Variants in DGKI observed in about 807,000 individuals in gnomAD.
DGKI encodes the protein diacylglycerol kinase iota.
Under a neutral mutation model 147.5 loss-of-function variants are expected in DGKI, and 55 were observed. That is an observed-to-expected ratio of 0.37 (90% confidence interval 0.30 to 0.47). DGKI has a LOEUF of 0.47. DGKI is among the 20% of genes least tolerant of loss of function. The probability of loss-of-function intolerance (pLI) is 1.00; values close to 1 mark genes in which losing one functional copy is unlikely to be tolerated. For synonymous variants in DGKI, 469 were observed against 477.1 expected, an observed-to-expected ratio of 0.98 and a Z score of 0.22; for missense variants, 1,007 against 1,323.8, an observed-to-expected ratio of 0.76 and a Z score of 3.71.
chr7:137,413,619 CT>C lies in DGKI; in HGVS notation c.2762-1413del, dbSNP rs565512886. On this transcript the variant is annotated intron_variant, in intron 28 of 32. Transcript: ENST00000614521. Reference sequence around the variant, plus strand: ...TTGTTACAAAGGACATGATTTCATTCTTTTTTATGACTGTGTAGTATTCCAT... The same window carrying C: ...TTGTTACAAAGGACATGATTTCATTCTTTTTATGACTGTGTAGTATTCCAT... 6.6e-5 allele frequency among the ~76,000 whole-genome samples: 10 copies of C among 152,270 alleles called. No individual in the cohort carries two copies. In the South Asian group the frequency reaches 1.9e-3, roughly 28 times the overall value.
intron 23 of DGKI, among the ~76,000 whole-genome samples, chr7:137,481,600 A>G (rs1815374232): frequency 2.0e-5 from 3 of 152,142 alleles, no homozygotes. Flanking sequence ...TGTATAACCC[A>G]TAATACCTTG....
intron 32 of DGKI, among the ~76,000 whole-genome samples, chr7:137,392,095 C>A (rs992757397): frequency 3.3e-5 from 5 of 152,178 alleles, no homozygotes; most frequent in African/African-American, 1.2e-4. Context: ...CATTTACATA[C>A]TGTTTTACAA....
intron 1 of DGKI, among the ~76,000 whole-genome samples, chr7:137,780,502 G>C (rs141514703): frequency 6.6e-6 from 1 of 152,278 alleles, no homozygotes; most frequent in East Asian, 1.9e-4. Flanking sequence ...CCTGGAAAAG[G>C]AAGGGTGTCT....
At position 137,751,835 on chromosome 7, in the gene DGKI, T is replaced by C. The variant is rs200136940; in HGVS notation, c.402-61833A>G. ...AACTTTATTTACAAAAATTGACCTG[T>C]ACGCTGTCATTTTCTAACCCTTGCA... On this transcript the variant is annotated intron_variant, in intron 1 of 32. Coordinates refer to ENST00000614521, the MANE Select transcript of DGKI (RefSeq NM_001321708.2). 3.3e-5 allele frequency among the ~76,000 whole-genome samples: 5 copies of C among 152,316 alleles called. No individual in the cohort carries two copies. The East Asian group carries it at 9.6e-4, about 29-fold the overall frequency.
intron 27 of DGKI, among the ~76,000 whole-genome samples, chr7:137,446,983 C>T (rs1398446621): frequency 1.3e-5 from 2 of 152,224 alleles, no homozygotes; most frequent in African/African-American, 4.8e-5. Context: ...TTGGAGCAAG[C>T]ATCTGCCCTT....
In DGKI at chr7:137,669,963, G is replaced by T. The variant is rs533267327; in HGVS notation, c.606+8594C>A. ...TCCTAAGATCCTACAAAATGGCAAT[G>T]GGTGTTCTGTGGGGAAATTATGGGT... On this transcript the variant is annotated intron_variant, in intron 3 of 32. Transcript: ENST00000614521. Among the ~76,000 whole-genome samples, 6 of 152,182 alleles carry T rather than the reference G, an allele frequency of 3.9e-5. No homozygotes were observed. In the South Asian group the frequency reaches 1.2e-3, roughly 32 times the overall value.
rs1489260286 is a variant in DGKI at position 137,381,682 on chromosome 7, T to C, written c.*9538A>G. Reference sequence around the variant, plus strand: ...TTTCCTCAGTTTCAGTCAGTGGTGGTCTGTATAATATTCAGATTCATGGTT... The same window carrying C: ...TTTCCTCAGTTTCAGTCAGTGGTGGCCTGTATAATATTCAGATTCATGGTT... On this transcript the variant is annotated 3_prime_UTR_variant, in exon 33 of 33. Transcript: ENST00000614521. 6.6e-6 allele frequency: 1 copy of C among 152,076 alleles called. No homozygotes were observed. The highest frequency in any genetic ancestry group is 2.4e-5 in the African/African-American group (1 of 41,404). The allele number at this position is 152,076 out of a possible 1,614,324, so 9.4% of individuals were successfully genotyped here. A position where few individuals can be genotyped will look rare whatever the true frequency, so the allele number is the denominator to read the frequency against.
intron 21 of DGKI, among the ~76,000 whole-genome samples, chr7:137,501,407 A>G (rs1816166330): frequency 6.6e-6 from 1 of 152,146 alleles, no homozygotes. Flanking sequence ...CTCCTGGATC[A>G]TATGGTTAAT....
rs548263567 is a variant in DGKI at position 137,382,873 on chromosome 7, A to T, written c.*8347T>A. 1 of 152,000 alleles carries T rather than the reference A, an allele frequency of 6.6e-6. No individual in the cohort carries two copies. Among genetic ancestry groups the T allele is most frequent in the African/African-American group, 2.4e-5 (1 of 41,434 alleles). 9.4% of individuals were successfully genotyped at this position (152,000 alleles called of 1,614,324 possible). A position where few individuals can be genotyped will look rare whatever the true frequency, so the allele number is the denominator to read the frequency against. ...TTCCTCCCTCACCCAGTCAACCTGAAATCTAGGAACTCAAGCTGTATTACA... is the reference window on the plus strand; with the variant it reads ...TTCCTCCCTCACCCAGTCAACCTGATATCTAGGAACTCAAGCTGTATTACA... On this transcript the variant is annotated 3_prime_UTR_variant, in exon 33 of 33. Transcript: ENST00000614521.
intron 16 of DGKI, among the ~76,000 whole-genome samples, chr7:137,577,881 C>T (rs1049994977): frequency 2.0e-5 from 3 of 152,182 alleles, no homozygotes; most frequent in South Asian, 2.1e-4. Context: ...CTAATCCAAA[C>T]GTCAATGTGC....
chr7:137,763,084 A>G lies in DGKI; in HGVS notation c.402-73082T>C, dbSNP rs76303403. On this transcript the variant is annotated intron_variant, in intron 1 of 32. Transcript: ENST00000614521. ...AAAGTTTCAAATCAGGGGCCAAGGT[A>G]CAGAGTCCACATGAGAATTCTCTCT... Among the ~76,000 whole-genome samples, 53 of 152,332 alleles carry G rather than the reference A, an allele frequency of 3.5e-4. 2 individuals are homozygous for G. In the East Asian group the frequency reaches 9.5e-3, roughly 27 times the overall value.
chr7:137,831,697 T>C (rs1475039963), intron 1 of DGKI, among the ~76,000 whole-genome samples: 1 of 152,156 alleles, frequency 6.6e-6, no homozygotes, highest in East Asian at 1.9e-4. Flanking sequence ...AAATCTCATG[T>C]CCTCACATTT....
intron 3 of DGKI, among the ~76,000 whole-genome samples, chr7:137,674,010 CAG>C (rs1822942893): frequency 1.3e-5 from 2 of 152,300 alleles, no homozygotes; most frequent in Non-Finnish European, 2.9e-5. Context: ...CACCAAACGA[CAG>C]TGATTCTGGC....
At chr7:137,535,983 A>G (rs1000263258) in intron 20 of DGKI, among the ~76,000 whole-genome samples, 32 of 152,308 alleles carry the variant, frequency 2.1e-4, no homozygotes, top group Admixed American at 2.0e-4. Context: ...AAATTTTATT[A>G]TAACAACACT....
chr7:137,417,300 A>G (rs997619805), intron 28 of DGKI, among the ~76,000 whole-genome samples: 21 of 152,374 alleles, frequency 1.4e-4, no homozygotes, highest in Non-Finnish European at 2.5e-4. Flanking sequence ...TCACAAACTT[A>G]TGAAGACAGG....
intron 1 of DGKI, among the ~76,000 whole-genome samples, chr7:137,844,948 C>T (rs1798665811): frequency 6.6e-6 from 1 of 152,202 alleles, no homozygotes; most frequent in African/African-American, 2.4e-5. Flanking sequence ...CCCTGTTCCC[C>T]CAGGGGCCAG....
chr7:137,515,983 GC>G (rs924554903), intron 21 of DGKI, among the ~76,000 whole-genome samples: 9 of 152,054 alleles, frequency 5.9e-5, no homozygotes, highest in Middle Eastern at 3.2e-3. Context: ...GAAGGACAAT[GC>G]CCTTCAGAGG....
At chr7:137,468,761 A>T (rs1269223619) in intron 24 of DGKI, among the ~76,000 whole-genome samples, 1 of 152,158 alleles carries the variant, frequency 6.6e-6, no homozygotes, top group Non-Finnish European at 1.5e-5. Context: ...TGCCATCCCA[A>T]TGCTTGCTCA....
chr7:137,727,113 T>G (rs1216764083), intron 1 of DGKI, among the ~76,000 whole-genome samples: 1 of 152,116 alleles, frequency 6.6e-6, no homozygotes, highest in East Asian at 1.9e-4. Flanking sequence ...CTTCCTAATG[T>G]TATTTCCATG....
Sources: allele counts gnomAD v4.1 joint callset (sites outside exome capture counted in the v4.1 genomes callset), GRCh38; gene constraint gnomAD v4.1.1; transcripts MANE v1.5; gene names NCBI Gene and HGNC (gene_info 2026-07-23, HGNC 2026-07-21).